The following ANK3 variants were observed in gnomAD, a reference collection of about 807,000 sequenced individuals.
ANK3 encodes the protein ankyrin 3, also known as ankyrin-3.
ANK3 carries 57 observed loss-of-function variants against 370.9 expected under a neutral mutation model. The ratio of observed to expected loss-of-function variants is 0.15; its 90% CI spans 0.12 to 0.19. The LOEUF is 0.19. ANK3 is among the 10% of genes least tolerant of loss of function. The pLI is 1.00. For missense variants in ANK3, 4,439 were observed against 5,302.1 expected (o/e 0.84, Z 5.06); for synonymous variants, 1,929 against 1,946.3 (o/e 0.99, Z 0.23).
intron 28 of ANK3, among the ~76,000 whole-genome samples, chr10:60,099,046 C>T (rs1432450803): frequency 6.6e-6 from 1 of 152,140 alleles, no homozygotes; most frequent in Non-Finnish European, 1.5e-5. Flanking sequence ...AAATCAGGGA[C>T]AAATGTGACC....
At chr10:60,375,218 A>T (rs1471546884) in intron 1 of ANK3, among the ~76,000 whole-genome samples, 2 of 152,232 alleles carry the variant, frequency 1.3e-5, no homozygotes, top group Non-Finnish European at 2.9e-5. Flanking sequence ...ATCAAGCACG[A>T]GTACTAGGGG....
rs991761561 is a variant in ANK3, at chr10:60,088,142, A to C, written c.3540+5T>G. The C allele has an allele frequency of 6.2e-7, 1 of 1,613,820 alleles. No homozygotes were observed. The highest frequency in any genetic ancestry group is 8.5e-7 in the Non-Finnish European group (1 of 1,179,778). On this transcript the variant is annotated splice_donor_5th_base_variant and intron_variant, in intron 29 of 43. Transcript: ENST00000280772. ...CTGAGGGAAACAACTTTTTGTGAAC[A>C]TTACCTGGAGGCCCACTCGAATTCT...
chr10:60,488,668 T>C (rs1022432399), intron 2 of ANK3, among the ~76,000 whole-genome samples: 1 of 152,222 alleles, frequency 6.6e-6, no homozygotes, highest in African/African-American at 2.4e-5. Flanking sequence ...ATAAATCATA[T>C]GATATATTGG....
chr10:60,605,218 C>T (rs542956353), intron 2 of ANK3, among the ~76,000 whole-genome samples: 12 of 152,188 alleles, frequency 7.9e-5, no homozygotes, highest in African/African-American at 2.2e-4. Context: ...CAGTCTCTCT[C>T]CTTTTAGGTT....
intron 21 of ANK3, 132 bp downstream of exon 21, chr10:60,172,176 C>T (rs1565453131): frequency 1.5e-6 from 1 of 651,804 alleles, no homozygotes; most frequent in Admixed American, 2.8e-5. Context: ...TGACTACCAA[C>T]AATGAGGTGA....
intron 18 of ANK3, among the ~76,000 whole-genome samples, chr10:60,177,565 G>A (rs969905587): frequency 7.1e-6 from 1 of 140,966 alleles, no homozygotes; most frequent in African/African-American, 2.6e-5. Context: ...CTTCTCCTTA[G>A]TCCCCATACC....
intron 2 of ANK3, among the ~76,000 whole-genome samples, chr10:60,395,502 G>C (rs2063199065): frequency 6.6e-6 from 1 of 151,854 alleles, no homozygotes; most frequent in South Asian, 2.1e-4. Flanking sequence ...CCTGAAGGCA[G>C]GTGTTTCATC....
chr10:60,086,608 G>C, intron 30 of ANK3, 69 bp downstream of exon 30: 1 of 1,353,506 alleles, frequency 7.4e-7, no homozygotes, highest in Non-Finnish European at 1.0e-6. Context: ...TTATATCTTT[G>C]TACACAAATA....
chr10:60,338,794 G>T (rs982510080), intron 1 of ANK3, among the ~76,000 whole-genome samples: 1 of 152,096 alleles, frequency 6.6e-6, no homozygotes, highest in African/African-American at 2.4e-5. Context: ...CCCCCATAGC[G>T]GGAGTTTAAT....
At chr10:60,175,394 T>G (rs2095902863) in intron 18 of ANK3, among the ~76,000 whole-genome samples, 1 of 152,190 alleles carries the variant, frequency 6.6e-6, no homozygotes. Context: ...CATGAGCAAT[T>G]CTTTCCAATC....
At chr10:60,521,223 T>C (rs1255643903) in intron 2 of ANK3, among the ~76,000 whole-genome samples, 2 of 152,150 alleles carry the variant, frequency 1.3e-5, no homozygotes. Context: ...CTAATTAATC[T>C]GCCTTATGAG....
At chr10:60,516,411 G>A (rs1488158457) in intron 2 of ANK3, among the ~76,000 whole-genome samples, 1 of 152,144 alleles carries the variant, frequency 6.6e-6, no homozygotes, top group Non-Finnish European at 1.5e-5. Flanking sequence ...ACCCCTGGAA[G>A]AGAGAGGGAC....
At position 60,072,102 on chromosome 10, in the gene ANK3, T is replaced by G. The variant is rs776444593; in HGVS notation, c.8779A>C (p.Lys2927Gln). 1.7e-5 allele frequency: 27 copies of G among 1,613,834 alleles called. No homozygotes were observed. The highest frequency in any genetic ancestry group is 2.2e-5 in the Non-Finnish European group (26 of 1,179,992). ...KEMTVKSPSK[K>Q]VLYREYVVKE... ...ACAACATATTCCCTATATAAGACTT[T>G]TTTGGAGGGAGATTTTACAGTCATT... Residue 2927 changes from lysine (K) to glutamine (Q), a missense_variant, in exon 37 of 44, where the codon AAA (lysine) becomes CAA (glutamine). By Grantham distance (53) the Lys-to-Gln change is moderately conservative (BLOSUM62 1). Around this residue, in one of 13 missense-constraint regions of ANK3, gnomAD observed 1,601 missense variants for 1,731.7 expected, o/e 0.92. Coordinates refer to ENST00000280772, the MANE Select transcript of ANK3 (RefSeq NM_020987.5).
chr10:60,492,937 G>T (rs111468107), intron 2 of ANK3, among the ~76,000 whole-genome samples: 1 of 150,014 alleles, frequency 6.7e-6, no homozygotes, highest in African/African-American at 2.5e-5. Flanking sequence ...AAAATTAGCC[G>T]GGTGTAGTGG....
At chr10:60,691,583 C>T (rs1209902592) in intron 1 of ANK3, among the ~76,000 whole-genome samples, 10 of 152,198 alleles carry the variant, frequency 6.6e-5, no homozygotes, top group Admixed American at 3.3e-4. Context: ...TTTTGCCCTA[C>T]AGAGGGGAGC....
At chr10:60,132,920 A>C (rs981088113) in intron 25 of ANK3, among the ~76,000 whole-genome samples, 3 of 152,016 alleles carry the variant, frequency 2.0e-5, no homozygotes, top group African/African-American at 7.2e-5. Flanking sequence ...CCAGCCTATA[A>C]TCATTTTTAA....
intron 7 of ANK3, among the ~76,000 whole-genome samples, chr10:60,247,426 A>G (rs1299317420): frequency 2.0e-5 from 3 of 152,192 alleles, no homozygotes; most frequent in Non-Finnish European, 2.9e-5. Context: ...TGCACAGTTC[A>G]GCAGCATTAA....
intron 9 of ANK3, among the ~76,000 whole-genome samples, chr10:60,211,892 C>CAAAAAAAAAAAAAAAAAAAAA (rs72238553): frequency 1.1e-5 from 1 of 93,400 alleles, no homozygotes; most frequent in African/African-American, 4.8e-5. Context: ...AATACAGAGC[C>CAAAAAAAAAAAAAAAAAAAAA]AAAAAAAAAA....
At position 60,109,030 on chromosome 10, in the gene ANK3, G is replaced by A. The variant is rs201888059; in HGVS notation, c.2973C>T (p.Asp991=). ...HSGFLVSFMV[D]ARGGSMRGSR... ...TTCCTCTCATGGAGCCCCCTCTCGC[G>A]TCCACCATAAAGCTAACCAGAAACC... The change falls in exon 27 of 44, where the codon GAC becomes GAT. Residue 991 remains aspartate (D), a synonymous_variant. Transcript: ENST00000280772. 6.0e-5 allele frequency: 96 copies of A among 1,613,302 alleles called. No individual in the cohort carries two copies. Among genetic ancestry groups the A allele is most frequent in the Middle Eastern group, 1.8e-4 (1 of 5,536 alleles).
Sources: allele counts gnomAD v4.1 joint callset (sites outside exome capture counted in the v4.1 genomes callset), GRCh38; gene constraint gnomAD v4.1.1; regional missense constraint gnomAD v4.1.1; transcripts MANE v1.5; gene names NCBI Gene and HGNC (gene_info 2026-07-23, HGNC 2026-07-21).